SCHIP1: variants seen among roughly 807,000 people sequenced by gnomAD.
SCHIP1 encodes schwannomin interacting protein 1.
A neutral mutation model predicts 29.7 loss-of-function variants in SCHIP1; 8 were observed. The ratio of observed to expected loss-of-function variants is 0.27; its 90% CI spans 0.16 to 0.49. The LOEUF (loss-of-function observed/expected upper bound fraction) is 0.49. Among genes scored for constraint, SCHIP1 ranks in the 20% least tolerant of loss-of-function variants. The pLI, the probability that SCHIP1 is intolerant of heterozygous loss-of-function variation, is 0.99. For missense variants in SCHIP1, 193 were observed against 294.6 expected (o/e 0.66, Z 2.52); for synonymous variants, 76 against 94.9 (o/e 0.80, Z 1.16).
chr3:159,329,423 G>A, the SCHIP1 span, among the ~76,000 whole-genome samples: 25 of 152,244 alleles, frequency 1.6e-4, no homozygotes, highest in East Asian at 1.2e-3. Flanking sequence ...GATGGTCTCC[G>A]GTGTGGTCAT....
chr3:159,350,528 T>C, the SCHIP1 span, among the ~76,000 whole-genome samples: 1 of 152,140 alleles, frequency 6.6e-6, no homozygotes, highest in Non-Finnish European at 1.5e-5. Context: ...GATGATAAAA[T>C]AGGAATTGGA....
the SCHIP1 span, among the ~76,000 whole-genome samples, chr3:159,538,388 A>G: frequency 6.6e-6 from 1 of 152,192 alleles, no homozygotes; most frequent in Admixed American, 6.6e-5. Context: ...TGTTTTAAAA[A>G]TATTCATTAG....
chr3:159,514,115 A>G, the SCHIP1 span, among the ~76,000 whole-genome samples: 3 of 152,126 alleles, frequency 2.0e-5, no homozygotes, highest in African/African-American at 7.2e-5. Context: ...TTTCCAGCCC[A>G]AGCACTTTCC....
the SCHIP1 span, among the ~76,000 whole-genome samples, chr3:159,742,098 C>T: frequency 2.0e-5 from 3 of 152,022 alleles, no homozygotes; most frequent in Admixed American, 1.3e-4. Flanking sequence ...TGGTGGCGGG[C>T]GCCTGTAGCC....
the SCHIP1 span, among the ~76,000 whole-genome samples, chr3:159,709,337 TG>T: frequency 6.6e-6 from 1 of 152,210 alleles, no homozygotes; most frequent in African/African-American, 2.4e-5. Flanking sequence ...GTTCTAGTTT[TG>T]TAAGATATTT....
the SCHIP1 span, among the ~76,000 whole-genome samples, chr3:159,356,377 C>T: frequency 6.6e-6 from 1 of 152,034 alleles, no homozygotes; most frequent in East Asian, 1.9e-4. Context: ...GTAATGAGAC[C>T]ATATATTTCC....
chr3:159,767,576 A>G, the SCHIP1 span, among the ~76,000 whole-genome samples: 2 of 152,336 alleles, frequency 1.3e-5, no homozygotes, highest in South Asian at 2.1e-4. Flanking sequence ...TTTAAGTGGC[A>G]TTAATACACA....
chr3:159,879,783 C>T (rs1716251044), intron 2 of SCHIP1, among the ~76,000 whole-genome samples: 1 of 152,178 alleles, frequency 6.6e-6, no homozygotes, highest in South Asian at 2.1e-4. Flanking sequence ...CAACAGCCGT[C>T]TGAGGAATGC....
chr3:159,565,201 C>G, the SCHIP1 span, among the ~76,000 whole-genome samples: 1 of 152,150 alleles, frequency 6.6e-6, no homozygotes, highest in African/African-American at 2.4e-5. Context: ...CACTCCAAAT[C>G]CTAAAACCTG....
the SCHIP1 span, among the ~76,000 whole-genome samples, chr3:159,692,017 T>C: frequency 7.7e-5 from 8 of 104,124 alleles, no homozygotes; most frequent in Non-Finnish European, 1.4e-4. Context: ...ACCTTTCTTT[T>C]TTTTTTTTTT....
the SCHIP1 span, among the ~76,000 whole-genome samples, chr3:159,475,776 A>G: frequency 5.9e-5 from 9 of 152,158 alleles, no homozygotes; most frequent in South Asian, 4.1e-4. Context: ...ATTTTCTTCC[A>G]TTAGCTAGGA....
At chr3:159,401,650 C>A in the SCHIP1 span, among the ~76,000 whole-genome samples, 1 of 152,212 alleles carries the variant, frequency 6.6e-6, no homozygotes, top group African/African-American at 2.4e-5. Context: ...TTTTCATTGC[C>A]CTCTCTATAC....
At chr3:159,276,889 A>T in the SCHIP1 span, among the ~76,000 whole-genome samples, 2 of 152,228 alleles carry the variant, frequency 1.3e-5, no homozygotes, top group Non-Finnish European at 2.9e-5. Flanking sequence ...CCAGGCAGCC[A>T]GTCCTAGGGA....
the SCHIP1 span, among the ~76,000 whole-genome samples, chr3:159,795,844 C>T: frequency 1.3e-5 from 2 of 152,110 alleles, no homozygotes; most frequent in Admixed American, 1.3e-4. Flanking sequence ...GATGTGTTGA[C>T]GGAAGCCAAT....
the SCHIP1 span, among the ~76,000 whole-genome samples, chr3:159,276,416 C>G: frequency 3.3e-5 from 5 of 152,162 alleles, no homozygotes; most frequent in African/African-American, 1.2e-4. Flanking sequence ...ACAAGGGGCA[C>G]AGTGGACATT....
the SCHIP1 span, among the ~76,000 whole-genome samples, chr3:159,690,277 G>A: frequency 2.0e-5 from 3 of 152,202 alleles, no homozygotes; most frequent in African/African-American, 7.2e-5. Flanking sequence ...TTCAGAACTT[G>A]TTATTGGTCT....
intron 1 of SCHIP1, among the ~76,000 whole-genome samples, chr3:159,851,837 G>A (rs867346807): frequency 6.6e-6 from 1 of 152,224 alleles, no homozygotes; most frequent in Non-Finnish European, 1.5e-5. Context: ...TTGAAGGAGA[G>A]TAAGACAAGG....
the SCHIP1 span, among the ~76,000 whole-genome samples, chr3:159,303,372 G>A: frequency 6.6e-6 from 1 of 151,930 alleles, no homozygotes; most frequent in South Asian, 2.1e-4. Context: ...GCAGAAAGGA[G>A]TAAGTTTTAG....
chr3:159,396,938 C>T, the SCHIP1 span, among the ~76,000 whole-genome samples: 2 of 146,666 alleles, frequency 1.4e-5, no homozygotes, highest in Non-Finnish European at 1.5e-5. Context: ...TTCCATTCTC[C>T]CCATCACTTT....
Sources: gnomAD v4.1 joint callset for allele counts (sites outside exome capture counted in the v4.1 genomes callset) on GRCh38, gnomAD v4.1.1 for gene constraint, MANE v1.5 for transcripts, NCBI Gene and HGNC (gene_info 2026-07-23, HGNC 2026-07-21) for gene names.